The following CAMK2A variants were observed in gnomAD, a reference collection of about 807,000 sequenced individuals.
The protein encoded by CAMK2A is calcium/calmodulin dependent protein kinase II alpha.
Under a neutral mutation model 79.2 loss-of-function variants are expected in CAMK2A, and 7 were observed. The observed-to-expected ratio is 0.09, with a 90% CI of 0.05 to 0.17. CAMK2A has a LOEUF of 0.17. Ranked by LOEUF, CAMK2A falls within the 10% of genes least tolerant of loss-of-function variation. The pLI is 1.00. For synonymous variants in CAMK2A, 242 were observed against 251.7 expected (o/e 0.96, Z 0.36); for missense variants, 214 against 646.4 (o/e 0.33, Z 7.25).
rs1249234942 is a variant in CAMK2A at position 150,256,730 on chromosome 5, C to T, written c.338+36G>A. 1 of 1,609,698 alleles carries T rather than the reference C, an allele frequency of 6.2e-7. No homozygotes were observed. The highest frequency in any genetic ancestry group is 8.5e-7 in the Non-Finnish European group (1 of 1,176,132). On this transcript the variant is annotated intron_variant, in intron 5 of 18. Coordinates refer to ENST00000671881, the MANE Select transcript of CAMK2A (RefSeq NM_015981.4). The surrounding 1 kb of genome is among the most constrained non-coding windows in gnomAD (Gnocchi z 4.6). ...TGACAGCAGGCAAGAGTGCCCTGTC[C>T]CCGGGTGCCATTGCCAGGCAGCACC...
chr5:150,242,299 GA>G (rs1371288611), intron 13 of CAMK2A, among the ~76,000 whole-genome samples: 1 of 152,224 alleles, frequency 6.6e-6, no homozygotes, highest in Non-Finnish European at 1.5e-5. Context: ...ACCAAAAGTA[GA>G]AACCGCATCT....
intron 1 of CAMK2A, among the ~76,000 whole-genome samples, chr5:150,279,078 G>C (rs1282064491): frequency 5.9e-5 from 9 of 152,236 alleles, no homozygotes; most frequent in African/African-American, 2.2e-4. Context: ...TGAGGCTCAG[G>C]AATGCAGTGG....
rs921311443 is a variant in CAMK2A, at chr5:150,222,541, T to A, written c.*169A>T. 6.5e-6 allele frequency: 5 copies of A among 768,810 alleles called. No individual in the cohort carries two copies. The highest frequency in any genetic ancestry group is 3.4e-5 in the African/African-American group (2 of 58,458). The allele number at this position is 768,810 out of a possible 1,614,324, so 47.6% of individuals were successfully genotyped here. A position where few individuals can be genotyped will look rare whatever the true frequency, so the allele number is the denominator to read the frequency against. On this transcript the variant is annotated 3_prime_UTR_variant, in exon 19 of 19. Transcript: ENST00000671881. Reference sequence around the variant, plus strand: ...GTGGCCGTTCGCTCTGAAGTTGCGATGACTTTTGTGAACAAGCAGGTTTTC... The same window carrying A: ...GTGGCCGTTCGCTCTGAAGTTGCGAAGACTTTTGTGAACAAGCAGGTTTTC...
rs1271960676 is a variant in CAMK2A, at chr5:150,287,934, C to CCT, written c.62+1628_62+1629dup. Among the ~76,000 whole-genome samples the CCT allele has an allele frequency of 7.0e-3, 795 of 113,118 alleles. 7 individuals are homozygous for CCT. Among genetic ancestry groups the CCT allele is most frequent in the African/African-American group, 0.026 (753 of 29,076 alleles). 74.2% of individuals were successfully genotyped at this position (113,118 alleles called of 152,430 possible). On this transcript the variant is annotated intron_variant, in intron 1 of 18. Coordinates refer to ENST00000671881, the MANE Select transcript of CAMK2A (RefSeq NM_015981.4). ...GAGGTGGTGCATGCCTGTAGGATAG[C>CCT]CTCTGTGTGTGTGTGTGTGTGTGTG...
At position 150,279,567 on chromosome 5, in the gene CAMK2A, G is replaced by A. The variant is rs183995858; in HGVS notation, c.63-6408C>T. Reference sequence around the variant, plus strand: ...GTAGGCATCATTATCCATGAAGAGAGGAGGACAGCTGGCATCATCAGAAAC... The same window carrying A: ...GTAGGCATCATTATCCATGAAGAGAAGAGGACAGCTGGCATCATCAGAAAC... On this transcript the variant is annotated intron_variant, in intron 1 of 18. Transcript: ENST00000671881. 3.5e-3 allele frequency among the ~76,000 whole-genome samples: 540 copies of A among 152,318 alleles called. 4 individuals are homozygous for A. Among genetic ancestry groups the A allele is most frequent in the African/African-American group, 0.012 (509 of 41,560 alleles).
At chr5:150,279,525 A>G (rs1757122601) in intron 1 of CAMK2A, among the ~76,000 whole-genome samples, 1 of 152,252 alleles carries the variant, frequency 6.6e-6, no homozygotes, top group Non-Finnish European at 1.5e-5. Context: ...GTAAATGCTC[A>G]AGGAACAATG....
At chr5:150,237,348 C>A (rs1419053419) in intron 15 of CAMK2A, among the ~76,000 whole-genome samples, 2 of 135,970 alleles carry the variant, frequency 1.5e-5, no homozygotes, top group African/African-American at 5.2e-5. Context: ...AGGTCAACGG[C>A]CTTTTTTTAT....
At chr5:150,275,198 T>A (rs1756899310) in intron 1 of CAMK2A, among the ~76,000 whole-genome samples, 1 of 152,174 alleles carries the variant, frequency 6.6e-6, no homozygotes, top group African/African-American at 2.4e-5. Context: ...CAGCTGTGGC[T>A]CCTCCTTGGG....
intron 15 of CAMK2A, among the ~76,000 whole-genome samples, chr5:150,234,151 G>A (rs773253699): frequency 2.0e-5 from 3 of 152,142 alleles, no homozygotes; most frequent in Non-Finnish European, 4.4e-5. Context: ...TGGAATCAGG[G>A]GTGACAACCA....
chr5:150,250,847 C>A (rs1266349140), intron 9 of CAMK2A, 37 bp from the exon 10 acceptor site: 6 of 1,604,230 alleles, frequency 3.7e-6, no homozygotes, highest in Non-Finnish European at 5.1e-6. Context: ...GCCCAGCCTG[C>A]CCCAGGCCAC....
chr5:150,257,610 TA>T lies in CAMK2A; in HGVS notation c.224del (p.Leu75HisfsTer13). 1 of 1,569,436 alleles carries T rather than the reference TA, an allele frequency of 6.4e-7. No homozygotes were observed. On this transcript the variant is annotated frameshift_variant, in exon 4 of 19. Transcript: ENST00000671881. LOFTEE classifies it high-confidence loss of function. ...GTCCCTCCTCTGAGATGCTGTCATG[TA>T]GTCGGACTGTGGGCGGGGCAAGGCA... ...RLLKHPNIVR[L>X]HDSISEEGHH...
chr5:150,250,897 C>A, intron 9 of CAMK2A, 87 bp from the exon 10 acceptor site: 1 of 1,496,906 alleles, frequency 6.7e-7, no homozygotes, highest in South Asian at 1.2e-5. Context: ...GGGGAGCAGG[C>A]AGGGGTCCTA....
rs778942662 is a variant in CAMK2A at position 150,231,377 on chromosome 5, C to T, written c.1070G>A (p.Arg357Gln). The stretch of plus-strand genomic sequence containing the variant: ...TGTCACTTTTATAATTTCCTGTTTC[C>T]GCACTGTAAGGCAGAAGGGGACACA... The part of the protein sequence containing the change: ...TTIEDEDTKV[R>Q]KQEIIKVTEQ... Residue 357 changes from arginine (R) to glutamine (Q), a missense_variant, in exon 16 of 19, where the codon CGG (arginine) becomes CAG (glutamine). By Grantham distance (43) the Arg-to-Gln change is conservative. This residue lies in a region of CAMK2A where 123 missense variants were observed against 242.4 expected (regional missense o/e 0.51). Transcript: ENST00000671881. 10 of 1,551,808 alleles carry T rather than the reference C, an allele frequency of 6.4e-6. No individual in the cohort carries two copies. The highest frequency in any genetic ancestry group is 4.1e-5 in the African/African-American group (3 of 73,142).
At chr5:150,253,964 G>A (rs1164864331) in intron 6 of CAMK2A, among the ~76,000 whole-genome samples, 1 of 152,190 alleles carries the variant, frequency 6.6e-6, no homozygotes, top group Non-Finnish European at 1.5e-5. Context: ...TTTCGGGTAG[G>A]TATTATTACC....
Position 150,256,448 on chromosome 5 carries a change from C to CTA in CAMK2A, c.411+124_411+125insTA. The CTA allele has an allele frequency of 1.5e-6, 1 of 666,554 alleles. No homozygotes were observed. The allele number at this position is 666,554 out of a possible 1,614,324, so 41.3% of individuals were successfully genotyped here. On this transcript the variant is annotated intron_variant, in intron 6 of 18. Transcript: ENST00000671881. This position sits in a 1 kb window ranked among gnomAD's most constrained non-coding sequence, Gnocchi z 4.6. Reference sequence around the variant, plus strand: ...CAGTGGGGAAAATAATCTCACCCACCCCACCTTCCAGCCTAACACAGAGAA... The same window carrying CTA: ...CAGTGGGGAAAATAATCTCACCCACCTACCACCTTCCAGCCTAACACAGAGAA...
intron 1 of CAMK2A, among the ~76,000 whole-genome samples, chr5:150,286,365 G>A (rs1046563661): frequency 1.6e-4 from 25 of 152,206 alleles, no homozygotes; most frequent in African/African-American, 6.0e-4. Flanking sequence ...GGTTCCCAGA[G>A]GGCTGCCCAC....
Position 150,284,391 on chromosome 5 carries a change from G to A in CAMK2A, c.62+5173C>T, listed in dbSNP as rs547498632. Among the ~76,000 whole-genome samples the A allele has an allele frequency of 6.6e-6, 1 of 152,168 alleles. No individual in the cohort carries two copies. Among genetic ancestry groups the A allele is most frequent in the East Asian group, 1.9e-4 (1 of 5,178 alleles). ...CATGCATCAGCAACAGGATGCGAGT[G>A]TTGCACTCCGAGGCTCTGCCCTCAC... On this transcript the variant is annotated intron_variant, in intron 1 of 18. Transcript: ENST00000671881. The surrounding 1 kb of genome is among the most constrained non-coding windows in gnomAD (Gnocchi z 5.3).
chr5:150,282,806 C>T (rs1455933937), intron 1 of CAMK2A, among the ~76,000 whole-genome samples: 1 of 152,248 alleles, frequency 6.6e-6, no homozygotes, highest in Non-Finnish European at 1.5e-5. Context: ...GGGCAGGAGG[C>T]CTGCAAGGAA....
intron 1 of CAMK2A, among the ~76,000 whole-genome samples, chr5:150,285,797 C>T (rs1757400211): frequency 1.3e-5 from 2 of 152,182 alleles, no homozygotes; most frequent in South Asian, 4.1e-4. Context: ...CAAGTAAAAT[C>T]TCCTTCAGAG....
Sources: allele counts gnomAD v4.1 joint callset (sites outside exome capture counted in the v4.1 genomes callset), GRCh38; gene constraint gnomAD v4.1.1; regional missense constraint gnomAD v4.1.1; non-coding constraint Gnocchi (gnomAD v3.1); transcripts MANE v1.5; gene names NCBI Gene and HGNC (gene_info 2026-07-23, HGNC 2026-07-21).